ANO4: variants seen among roughly 807,000 people sequenced by gnomAD.
The protein encoded by ANO4 is anoctamin 4, also known as anoctamin-4.
A neutral mutation model predicts 141.9 loss-of-function variants in ANO4; 69 were observed. That is an observed-to-expected ratio of 0.49 (90% confidence interval 0.40 to 0.59). The LOEUF (loss-of-function observed/expected upper bound fraction) is 0.59, where lower values mean the gene tolerates loss of function less well. Ranked by LOEUF, ANO4 falls within the 20% of genes least tolerant of loss-of-function variation. ANO4 has a pLI of 0.00. For missense variants in ANO4, 894 were observed against 1,162.2 expected (o/e 0.77, Z 3.36); for synonymous variants, 350 against 394.3 (o/e 0.89, Z 1.33).
chr12:100,874,927 C>T (rs2039221992), intron 1 of ANO4, among the ~76,000 whole-genome samples: 1 of 152,100 alleles, frequency 6.6e-6, no homozygotes, highest in Non-Finnish European at 1.5e-5. Context: ...AATGCCTGTA[C>T]CCTCATTGTA....
In ANO4 at chr12:101,030,989, C is replaced by T. The variant is rs554399273; in HGVS notation, c.842-6106C>T. 7.0e-4 allele frequency among the ~76,000 whole-genome samples: 106 copies of T among 152,240 alleles called. 2 individuals are homozygous for T. The highest frequency in any genetic ancestry group is 1.7e-3 in the South Asian group (8 of 4,822). On this transcript the variant is annotated intron_variant, in intron 9 of 27. Coordinates refer to ENST00000392977, the MANE Select transcript of ANO4 (RefSeq NM_001286615.2). ...GCCCAGGACCAGACAGGTTCACAGC[C>T]GAATTCTACCAGAGGTACAAAGAGA...
chr12:100,936,971 T>A (rs1480038717), intron 3 of ANO4, among the ~76,000 whole-genome samples: 1 of 152,240 alleles, frequency 6.6e-6, no homozygotes, highest in East Asian at 1.9e-4. Flanking sequence ...TAAACGATAC[T>A]TTTATCTTAT....
At chr12:100,808,507 AC>A (rs2035200127) in intron 1 of ANO4, among the ~76,000 whole-genome samples, 1 of 152,048 alleles carries the variant, frequency 6.6e-6, no homozygotes, top group Non-Finnish European at 1.5e-5. Context: ...TACTGACCCA[AC>A]CTGTCGTCAC....
intron 1 of ANO4, among the ~76,000 whole-genome samples, chr12:100,882,933 T>C (rs2039640795): frequency 6.6e-6 from 1 of 152,174 alleles, no homozygotes; most frequent in Non-Finnish European, 1.5e-5. Flanking sequence ...ACTCCTGACC[T>C]CAGGTGATCT....
chr12:100,988,859 A>G (rs1386940780), intron 8 of ANO4, among the ~76,000 whole-genome samples: 1 of 107,176 alleles, frequency 9.3e-6, no homozygotes, highest in Non-Finnish European at 1.8e-5. Flanking sequence ...TGACAGAGTG[A>G]GACTCTGTCT....
Position 101,063,067 on chromosome 12 carries a change from G to C in ANO4, c.1312+14666G>C, listed in dbSNP as rs55825610. On this transcript the variant is annotated intron_variant, in intron 14 of 27. Coordinates refer to ENST00000392977, the MANE Select transcript of ANO4 (RefSeq NM_001286615.2). ...GCAGGTTATGAAGACTATGGGAAAA[G>C]ATACTAATCTGGGCCAGAGTGCACC... Among the ~76,000 whole-genome samples the C allele has an allele frequency of 3.7e-3, 555 of 151,482 alleles. 3 individuals carry two copies. The highest frequency in any genetic ancestry group is 0.013 in the African/African-American group (526 of 41,312).
chr12:101,024,437 A>G (rs1038884788), intron 9 of ANO4, among the ~76,000 whole-genome samples: 23 of 152,114 alleles, frequency 1.5e-4, no homozygotes, highest in Admixed American at 9.8e-4. Flanking sequence ...CTCTACTAAA[A>G]ATACAAAAAT....
chr12:100,748,901 T>C (rs904155214), intron 3 of ANO4, among the ~76,000 whole-genome samples: 13 of 152,190 alleles, frequency 8.5e-5, no homozygotes, highest in African/African-American at 3.1e-4. Flanking sequence ...TAATCGTATG[T>C]TATGGAATAA....
intron 22 of ANO4, among the ~76,000 whole-genome samples, chr12:101,106,875 A>G (rs1329355884): frequency 1.5e-5 from 2 of 134,068 alleles, no homozygotes; most frequent in Non-Finnish European, 3.1e-5. Context: ...CCTCTATGCT[A>G]CAAGTCTCTT....
chr12:100,930,208 T>C (rs1362414187), intron 3 of ANO4, among the ~76,000 whole-genome samples: 1 of 152,186 alleles, frequency 6.6e-6, no homozygotes, highest in African/African-American at 2.4e-5. Flanking sequence ...TGTCCATTTT[T>C]GCTTTGGTTG....
chr12:101,106,573 G>GTA (rs56808655), intron 22 of ANO4, among the ~76,000 whole-genome samples: 21,785 of 138,392 alleles, frequency 0.16, 1,798 homozygotes, highest in East Asian at 0.24. Context: ...GTGTGTGTGT[G>GTA]TATATATATA....
rs565388561 is a variant in ANO4, at chr12:100,798,793, G to A, written c.-141+3766G>A. 2.0e-5 allele frequency among the ~76,000 whole-genome samples: 3 copies of A among 152,324 alleles called. No homozygotes were observed. The South Asian group carries it at 6.2e-4, about 32-fold the overall frequency. ...CAGGCTGTTTGCTCTTAAGTCTGAA[G>A]AGCGAAGAAATGTAAAAACACATAA... On this transcript the variant is annotated intron_variant, in intron 1 of 27. Coordinates refer to ENST00000392977, the MANE Select transcript of ANO4 (RefSeq NM_001286615.2).
chr12:100,890,771 T>C (rs1038597690), intron 1 of ANO4, among the ~76,000 whole-genome samples: 5 of 152,182 alleles, frequency 3.3e-5, no homozygotes, highest in African/African-American at 4.8e-5. Flanking sequence ...ATTATTACAA[T>C]TGATGAACCT....
chr12:101,012,244 A>AG (rs997443908), intron 8 of ANO4, among the ~76,000 whole-genome samples: 2 of 152,098 alleles, frequency 1.3e-5, no homozygotes, highest in African/African-American at 4.8e-5. Context: ...TGCAGTCTGT[A>AG]GGGGGAGAGG....
chr12:100,763,407 A>T (rs1417569717), intron 3 of ANO4, among the ~76,000 whole-genome samples: 3 of 152,200 alleles, frequency 2.0e-5, no homozygotes, highest in African/African-American at 7.2e-5. Flanking sequence ...CCAAGCAAAA[A>T]GGTTAAATGG....
chr12:100,954,681 C>T (rs1398833083), intron 5 of ANO4, among the ~76,000 whole-genome samples: 1 of 152,190 alleles, frequency 6.6e-6, no homozygotes, highest in Admixed American at 6.5e-5. Flanking sequence ...CTCTGTAATA[C>T]CCAGATGGTT....
At chr12:100,977,850 C>T (rs947785667) in intron 7 of ANO4, among the ~76,000 whole-genome samples, 11 of 152,188 alleles carry the variant, frequency 7.2e-5, no homozygotes, top group Non-Finnish European at 5.9e-5. Context: ...AAACTGTCCT[C>T]GCCCATCGCT....
intron 8 of ANO4, among the ~76,000 whole-genome samples, chr12:101,009,704 G>A (rs1253586052): frequency 6.6e-6 from 1 of 151,980 alleles, no homozygotes; most frequent in Non-Finnish European, 1.5e-5. Flanking sequence ...GTGGTTCTAT[G>A]TTTACTTATA....
chr12:100,901,315 G>A (rs1474095740), intron 1 of ANO4, among the ~76,000 whole-genome samples: 2 of 152,192 alleles, frequency 1.3e-5, no homozygotes, highest in East Asian at 3.9e-4. Flanking sequence ...TGTGAATCTT[G>A]TGGAGAAAGT....
Sources: gnomAD v4.1 joint callset for allele counts (sites outside exome capture counted in the v4.1 genomes callset) on GRCh38, gnomAD v4.1.1 for gene constraint, MANE v1.5 for transcripts, NCBI Gene and HGNC (gene_info 2026-07-23, HGNC 2026-07-21) for gene names.